Variants in SPATA17 observed in about 807,000 individuals in gnomAD.
The protein encoded by SPATA17 is spermatogenesis-associated protein 17.
Under a neutral mutation model 62.2 loss-of-function variants are expected in SPATA17, and 53 were observed. The observed-to-expected ratio is 0.85, with a 90% CI of 0.68 to 1.07. The LOEUF is 1.07. Ranked by LOEUF, SPATA17 falls within the 50% of genes least tolerant of loss-of-function variation. The pLI is 0.00. For missense variants in SPATA17, 466 were observed against 425.5 expected, an observed-to-expected ratio of 1.10 and a Z score of -0.84; for synonymous variants, 146 against 146.8, an observed-to-expected ratio of 0.99 and a Z score of 0.04.
chr1:217,777,119 G>A (rs907758629), intron 7 of SPATA17, among the ~76,000 whole-genome samples: 25 of 152,090 alleles, frequency 1.6e-4, no homozygotes, highest in African/African-American at 6.0e-4. Flanking sequence ...CAATAAGACA[G>A]CCCTGCATTC....
At chr1:217,706,271 A>G (rs1558573668) in intron 5 of SPATA17, among the ~76,000 whole-genome samples, 1 of 152,170 alleles carries the variant, frequency 6.6e-6, no homozygotes. Context: ...TAGGAATAGC[A>G]TTGAGCCTGT....
chr1:217,730,756 T>C (rs1672386291), intron 5 of SPATA17, among the ~76,000 whole-genome samples: 1 of 152,146 alleles, frequency 6.6e-6, no homozygotes, highest in Non-Finnish European at 1.5e-5. Flanking sequence ...TCTTACCTGA[T>C]TTTTTGATAG....
chr1:217,686,464 A>G (rs977108425), intron 5 of SPATA17, among the ~76,000 whole-genome samples: 1 of 152,116 alleles, frequency 6.6e-6, no homozygotes, highest in Non-Finnish European at 1.5e-5. Flanking sequence ...GCTTATTTAA[A>G]TACTTCTCTC....
intron 5 of SPATA17, among the ~76,000 whole-genome samples, chr1:217,707,429 C>T (rs756814936): frequency 6.6e-6 from 1 of 152,028 alleles, no homozygotes; most frequent in African/African-American, 2.4e-5. Flanking sequence ...CTTTCTTTTG[C>T]CTGATTGCTC....
In SPATA17 at chr1:217,749,317, G is replaced by T. The variant is rs369079501; in HGVS notation, c.519+7219G>T. 3.9e-5 allele frequency among the ~76,000 whole-genome samples: 6 copies of T among 152,238 alleles called. No individual in the cohort carries two copies. In the East Asian group the frequency reaches 1.2e-3, roughly 29 times the overall value. ...ATGATATACAGGCAAAAGGATGTAT[G>T]CCTTGATACTTACGGTTGCCAATAG... On this transcript the variant is annotated intron_variant, in intron 6 of 10. Coordinates refer to ENST00000366933, the MANE Select transcript of SPATA17 (RefSeq NM_138796.4).
intron 9 of SPATA17, among the ~76,000 whole-genome samples, chr1:217,823,416 A>T (rs1674916975): frequency 6.6e-6 from 1 of 151,892 alleles, no homozygotes; most frequent in South Asian, 2.1e-4. Flanking sequence ...TTCCAGTTTT[A>T]TATAGGGCTC....
At chr1:217,769,374 T>C (rs1480467691) in intron 6 of SPATA17, among the ~76,000 whole-genome samples, 1 of 152,216 alleles carries the variant, frequency 6.6e-6, no homozygotes, top group Non-Finnish European at 1.5e-5. Context: ...GGTTCTAGAC[T>C]TCTCCAAACA....
chr1:217,816,151 A>T (rs1674712102), intron 9 of SPATA17, among the ~76,000 whole-genome samples: 1 of 152,076 alleles, frequency 6.6e-6, no homozygotes, highest in South Asian at 2.1e-4. Context: ...AGATTAATAT[A>T]GGGGGAATTG....
intron 8 of SPATA17, among the ~76,000 whole-genome samples, chr1:217,798,588 T>G (rs1571812673): frequency 6.6e-6 from 1 of 152,206 alleles, no homozygotes; most frequent in Middle Eastern, 3.4e-3. Context: ...CAACAGAGTT[T>G]AGAGAGAGGA....
intron 1 of SPATA17, among the ~76,000 whole-genome samples, chr1:217,639,532 T>C (rs902585807): frequency 2.0e-5 from 3 of 152,192 alleles, no homozygotes; most frequent in Non-Finnish European, 4.4e-5. Flanking sequence ...TGAGCAATTC[T>C]ACAATAATTT....
rs761639233 is a variant in SPATA17 at position 217,742,103 on chromosome 1, G to T, written c.519+5G>T. On this transcript the variant is annotated splice_donor_5th_base_variant and intron_variant, in intron 6 of 10. Transcript: ENST00000366933. ...TACCTCCTCAGCACAAAGCAGGTTG[G>T]TTTACCTGTCCCTGACAGCTCCTGT... The T allele has an allele frequency of 3.7e-6, 6 of 1,613,928 alleles. No individual in the cohort carries two copies. The South Asian group carries it at 6.6e-5, about 18-fold the overall frequency.
intron 4 of SPATA17, among the ~76,000 whole-genome samples, chr1:217,675,654 T>G (rs982764512): frequency 6.6e-6 from 1 of 152,200 alleles, no homozygotes; most frequent in African/African-American, 2.4e-5. Flanking sequence ...GTATAGCAGT[T>G]ACTACTTTCC....
chr1:217,765,588 T>G (rs954772862), intron 6 of SPATA17, among the ~76,000 whole-genome samples: 2 of 152,010 alleles, frequency 1.3e-5, no homozygotes, highest in Non-Finnish European at 2.9e-5. Flanking sequence ...TTTCTGTTAT[T>G]GATTTCTAGT....
At chr1:217,772,020 A>C (rs566374596) in intron 6 of SPATA17, among the ~76,000 whole-genome samples, 1 of 152,338 alleles carries the variant, frequency 6.6e-6, no homozygotes, top group South Asian at 2.1e-4. Context: ...TCAGTTTATT[A>C]GATCATCACT....
intron 5 of SPATA17, among the ~76,000 whole-genome samples, chr1:217,733,137 G>A (rs1672435365): frequency 6.6e-6 from 1 of 152,094 alleles, no homozygotes; most frequent in Non-Finnish European, 1.5e-5. Flanking sequence ...TCATACTAAA[G>A]TCATGGTATT....
intron 5 of SPATA17, among the ~76,000 whole-genome samples, chr1:217,714,650 A>T (rs1420016298): frequency 2.0e-5 from 3 of 151,446 alleles, no homozygotes; most frequent in Non-Finnish European, 4.4e-5. Context: ...CGCCCGGCTA[A>T]TTTTTTGTAT....
In SPATA17 at chr1:217,837,917, C is replaced by T. The variant is rs1001831484; in HGVS notation, c.1006-24857C>T. On this transcript the variant is annotated intron_variant, in intron 9 of 10. Transcript: ENST00000366933. ...AAGAAAGCTCCACATTCTCTAAACA[C>T]ATTCTGTGTGGTCAGGTATAATAGT... 2.6e-5 allele frequency among the ~76,000 whole-genome samples: 4 copies of T among 152,096 alleles called. No homozygotes were observed. The East Asian group carries it at 7.7e-4, about 29-fold the overall frequency.
At chr1:217,660,143 T>C (rs1334143985) in intron 3 of SPATA17, among the ~76,000 whole-genome samples, 2 of 152,218 alleles carry the variant, frequency 1.3e-5, no homozygotes, top group Admixed American at 1.3e-4. Flanking sequence ...CTAACATGCC[T>C]CTCATTGGTC....
intron 7 of SPATA17, 64 bp downstream of exon 7, chr1:217,774,601 A>G: frequency 7.6e-7 from 1 of 1,315,286 alleles, no homozygotes; most frequent in Non-Finnish European, 1.1e-6. Flanking sequence ...TGCACTTTTT[A>G]TATAACACTA....
Sources: allele counts gnomAD v4.1 joint callset (sites outside exome capture counted in the v4.1 genomes callset), GRCh38; gene constraint gnomAD v4.1.1; transcripts MANE v1.5; gene names NCBI Gene and HGNC (gene_info 2026-07-23, HGNC 2026-07-21).